Variants in ARK2C observed in about 807,000 individuals in gnomAD.
ARK2C encodes arkadia (RNF111) C-terminal like ring finger ubiquitin ligase 2C.
At chr18:46,422,784 C>A in the ARK2C span, among the ~76,000 whole-genome samples, 1 of 152,224 alleles carries the variant, frequency 6.6e-6, no homozygotes, top group Non-Finnish European at 1.5e-5. Flanking sequence ...GGTGTTCACA[C>A]TCCTCTTCTG....
At chr18:46,334,665 C>A in the ARK2C span, 1 of 382,670 alleles carries the variant, frequency 2.6e-6, no homozygotes, top group Non-Finnish European at 4.5e-6. This position sits in a 1 kb window ranked among gnomAD's most constrained non-coding sequence, Gnocchi z 4.4. Context: ...GAGAAAGATA[C>A]ATGACCGTGT....
chr18:46,431,623 C>T, the ARK2C span, among the ~76,000 whole-genome samples: 1 of 151,412 alleles, frequency 6.6e-6, no homozygotes, highest in African/African-American at 2.4e-5. Context: ...CAGACTTTCA[C>T]TTAATCCTGC....
chr18:46,445,356 T>C, the ARK2C span, among the ~76,000 whole-genome samples: 1 of 152,188 alleles, frequency 6.6e-6, no homozygotes, highest in African/African-American at 2.4e-5. Context: ...GTCTCTATTG[T>C]ATGACCAAGG....
At chr18:46,342,907 G>A in the ARK2C span, among the ~76,000 whole-genome samples, 10 of 152,196 alleles carry the variant, frequency 6.6e-5, no homozygotes, top group African/African-American at 1.9e-4. Context: ...TTGGGGGGGA[G>A]TGGAGCTGTA....
At chr18:46,388,791 C>A in the ARK2C span, among the ~76,000 whole-genome samples, 2 of 151,832 alleles carry the variant, frequency 1.3e-5, no homozygotes, top group African/African-American at 4.8e-5. Context: ...GAGGGGTAAA[C>A]GTAGAGAACT....
At chr18:46,392,964 C>T in the ARK2C span, among the ~76,000 whole-genome samples, 1 of 152,108 alleles carries the variant, frequency 6.6e-6, no homozygotes, top group Non-Finnish European at 1.5e-5. Flanking sequence ...AGACACACCA[C>T]CCTGGAAGGG....
the ARK2C span, among the ~76,000 whole-genome samples, chr18:46,350,144 C>T: frequency 1.3e-5 from 2 of 152,190 alleles, no homozygotes; most frequent in East Asian, 3.9e-4. Context: ...TACTGCCTTC[C>T]CCTTCTTTTC....
chr18:46,457,528 C>G, the ARK2C span: 2 of 153,344 alleles, frequency 1.3e-5, no homozygotes, highest in Non-Finnish European at 2.9e-5. Context: ...GGCGGGGCTC[C>G]CCAGGCCCAG....
the ARK2C span, among the ~76,000 whole-genome samples, chr18:46,340,580 G>T: frequency 1.3e-5 from 2 of 152,198 alleles, no homozygotes; most frequent in Admixed American, 1.3e-4. Context: ...CACACGAATG[G>T]CAGAACGTCC....
At chr18:46,443,749 T>C in the ARK2C span, among the ~76,000 whole-genome samples, 1 of 152,198 alleles carries the variant, frequency 6.6e-6, no homozygotes, top group Admixed American at 6.5e-5. Flanking sequence ...AGAAGAAGTT[T>C]GCCAATCTCT....
chr18:46,380,790 G>A, the ARK2C span, among the ~76,000 whole-genome samples: 1 of 152,182 alleles, frequency 6.6e-6, no homozygotes, highest in South Asian at 2.1e-4. Flanking sequence ...TGCAAAGCTA[G>A]TGCTCCCCCA....
the ARK2C span, among the ~76,000 whole-genome samples, chr18:46,368,975 C>G: frequency 6.6e-6 from 1 of 152,304 alleles, no homozygotes; most frequent in East Asian, 1.9e-4. Context: ...GTGCCAGGCA[C>G]TATGGTACTT....
the ARK2C span, among the ~76,000 whole-genome samples, chr18:46,389,609 G>A: frequency 2.6e-5 from 4 of 152,122 alleles, no homozygotes; most frequent in Admixed American, 1.3e-4. Flanking sequence ...ATCCCTCATC[G>A]CTTCTCCAAA....
At chr18:46,420,447 A>C in the ARK2C span, among the ~76,000 whole-genome samples, 1 of 152,186 alleles carries the variant, frequency 6.6e-6, no homozygotes, top group South Asian at 2.1e-4. Flanking sequence ...ACACCTCAAT[A>C]GGAAGGGGCC....
the ARK2C span, among the ~76,000 whole-genome samples, chr18:46,387,495 T>C: frequency 3.3e-5 from 5 of 152,228 alleles, no homozygotes; most frequent in African/African-American, 1.2e-4. Context: ...GGGGAGAAAC[T>C]TGTCCCAACT....
the ARK2C span, among the ~76,000 whole-genome samples, chr18:46,438,030 A>C: frequency 6.9e-4 from 105 of 152,368 alleles, no homozygotes; most frequent in Non-Finnish European, 1.3e-3. Flanking sequence ...TTCTGGGAAG[A>C]ACTTAGGGTC....
chr18:46,449,399 T>C, the ARK2C span, among the ~76,000 whole-genome samples: 2 of 152,216 alleles, frequency 1.3e-5, no homozygotes, highest in African/African-American at 4.8e-5. Context: ...TTAATCTTTA[T>C]TACTGAGGCT....
the ARK2C span, among the ~76,000 whole-genome samples, chr18:46,441,673 G>C: frequency 6.6e-6 from 1 of 151,806 alleles, no homozygotes; most frequent in Admixed American, 6.6e-5. Context: ...CAGATCATGA[G>C]GTCAGGAGAT....
chr18:46,455,217 G>A, the ARK2C span, among the ~76,000 whole-genome samples: 3 of 152,260 alleles, frequency 2.0e-5, 1 homozygote, highest in Middle Eastern at 6.8e-3. Context: ...ATGTCTTCAC[G>A]TAGTTATCAG....
Sources: allele counts gnomAD v4.1 joint callset (sites outside exome capture counted in the v4.1 genomes callset), GRCh38; gene constraint gnomAD v4.1.1; non-coding constraint Gnocchi (gnomAD v3.1); transcripts MANE v1.5; gene names NCBI Gene and HGNC (gene_info 2026-07-23, HGNC 2026-07-21).